Variants in CNTN6 observed in about 807,000 individuals in gnomAD.
CNTN6 encodes contactin-6.
In CNTN6, 137 loss-of-function variants were observed where a neutral mutation model predicts 122.8. The ratio of observed to expected loss-of-function variants is 1.12; its 90% confidence interval spans 0.97 to 1.29. The LOEUF (loss-of-function observed/expected upper bound fraction) is 1.29. CNTN6 is among the 50% of genes most tolerant of loss of function. The probability of loss-of-function intolerance (pLI) is 0.00; values close to 1 mark genes in which losing one functional copy is unlikely to be tolerated. For synonymous variants in CNTN6, 570 were observed against 426.0 expected (o/e 1.34, Z -4.16); for missense variants, 1,634 against 1,223.4 (o/e 1.34, Z -5.01).
intron 6 of CNTN6, 64 bp from the exon 7 acceptor site, chr3:1,297,825 G>A (rs1696535270): frequency 1.1e-5 from 14 of 1,270,984 alleles, no homozygotes; most frequent in East Asian, 7.0e-5. Context: ...GGTTAATGAA[G>A]CATTTACTTC....
intron 4 of CNTN6, among the ~76,000 whole-genome samples, chr3:1,268,719 G>T (rs962396290): frequency 6.6e-6 from 1 of 151,746 alleles, no homozygotes; most frequent in Non-Finnish European, 1.5e-5. Flanking sequence ...GAGCATTTAA[G>T]CTGCCACCGA....
chr3:1,303,155 T>C (rs769677420), intron 7 of CNTN6, among the ~76,000 whole-genome samples: 33 of 152,266 alleles, frequency 2.2e-4, no homozygotes, highest in Non-Finnish European at 4.3e-4. Context: ...TGTTCTTGTA[T>C]GCTGTTCACT....
chr3:1,295,645 C>T lies in CNTN6; in HGVS notation c.499C>T (p.Gln167Ter). ...CTTCAATGATAACCCCTTATACGTC[C>T]AAGAGGACAATAGGCGATTTGTATC... ...WTFNDNPLYV[Q>*]EDNRRFVSQE... The change falls in exon 6 of 23, where the codon CAA becomes TAA. Residue 167 changes from glutamine to a stop codon, truncating the protein, a stop_gained. Coordinates refer to ENST00000446702, the MANE Select transcript of CNTN6 (RefSeq NM_001289080.2). LOFTEE classifies it high-confidence loss of function. The T allele has an allele frequency of 6.2e-7, 1 of 1,613,834 alleles. No individual in the cohort carries two copies. Among genetic ancestry groups the T allele is most frequent in the African/African-American group, 1.3e-5 (1 of 75,024 alleles).
At chr3:1,148,833 T>C (rs957788672) in intron 2 of CNTN6, among the ~76,000 whole-genome samples, 3 of 152,152 alleles carry the variant, frequency 2.0e-5, no homozygotes, top group Admixed American at 6.5e-5. Context: ...ACATGACTAG[T>C]CTAGAACATT....
chr3:1,299,634 T>C (rs1399018741), intron 7 of CNTN6, among the ~76,000 whole-genome samples: 1 of 152,200 alleles, frequency 6.6e-6, no homozygotes, highest in Non-Finnish European at 1.5e-5. Flanking sequence ...AAGTAACCTG[T>C]TCAATCTTAT....
intron 20 of CNTN6, among the ~76,000 whole-genome samples, chr3:1,387,652 C>A (rs9831132): frequency 3.8e-4 from 58 of 152,116 alleles, no homozygotes; most frequent in African/African-American, 1.1e-3. Context: ...CTGAGGTACC[C>A]GGTTCATCTC....
chr3:1,105,543 G>C (rs563216353), intron 1 of CNTN6, among the ~76,000 whole-genome samples: 6 of 152,016 alleles, frequency 3.9e-5, no homozygotes, highest in African/African-American at 1.4e-4. Flanking sequence ...CAGTGCAGCC[G>C]GTAATACCTG....
chr3:1,350,954 A>G (rs1388566901), intron 11 of CNTN6, among the ~76,000 whole-genome samples: 1 of 151,904 alleles, frequency 6.6e-6, no homozygotes, highest in Admixed American at 6.6e-5. Context: ...GCATAATTCA[A>G]TTGTTAATGT....
intron 11 of CNTN6, among the ~76,000 whole-genome samples, chr3:1,346,830 A>T (rs1470891874): frequency 6.6e-6 from 1 of 152,158 alleles, no homozygotes; most frequent in Non-Finnish European, 1.5e-5. Context: ...GAAGCCCTCC[A>T]AGTGGATGTG....
chr3:1,169,054 G>C (rs1016675014), intron 2 of CNTN6, among the ~76,000 whole-genome samples: 1 of 152,110 alleles, frequency 6.6e-6, no homozygotes, highest in African/African-American at 2.4e-5. Context: ...TGACTGATGG[G>C]GATGCAGTGA....
intron 4 of CNTN6, among the ~76,000 whole-genome samples, chr3:1,236,672 G>T (rs1288571887): frequency 6.6e-6 from 1 of 152,074 alleles, no homozygotes; most frequent in Non-Finnish European, 1.5e-5. Flanking sequence ...ACAAAATAAG[G>T]TTCTTCAACT....
intron 12 of CNTN6, among the ~76,000 whole-genome samples, chr3:1,371,846 A>G (rs1339023524): frequency 6.6e-6 from 1 of 152,180 alleles, no homozygotes; most frequent in African/African-American, 2.4e-5. Context: ...TCTTAAATAT[A>G]AACGTATGTC....
At chr3:1,233,957 A>C (rs1450914723) in intron 4 of CNTN6, among the ~76,000 whole-genome samples, 2 of 152,102 alleles carry the variant, frequency 1.3e-5, no homozygotes, top group Non-Finnish European at 2.9e-5. Flanking sequence ...AAAATGCAGT[A>C]AGAATGCATT....
At chr3:1,348,732 G>A (rs1332703811) in intron 11 of CNTN6, among the ~76,000 whole-genome samples, 1 of 151,978 alleles carries the variant, frequency 6.6e-6, no homozygotes, top group African/African-American at 2.4e-5. Context: ...GATATGGTTA[G>A]AATCTGAGCC....
At chr3:1,169,913 A>G (rs1003089724) in intron 2 of CNTN6, among the ~76,000 whole-genome samples, 1 of 152,144 alleles carries the variant, frequency 6.6e-6, no homozygotes, top group African/African-American at 2.4e-5. Context: ...GGTGGCCCAT[A>G]TTATATTCAC....
intron 11 of CNTN6, among the ~76,000 whole-genome samples, chr3:1,343,988 C>G (rs558283405): frequency 2.0e-5 from 3 of 152,168 alleles, no homozygotes; most frequent in African/African-American, 7.2e-5. Context: ...ATTAAAAGTA[C>G]AAGACAGTAA....
At chr3:1,250,844 T>C (rs1301660242) in intron 4 of CNTN6, among the ~76,000 whole-genome samples, 1 of 152,170 alleles carries the variant, frequency 6.6e-6, no homozygotes, top group Non-Finnish European at 1.5e-5. Flanking sequence ...AACTGCTGAT[T>C]CTTTTCTCCA....
chr3:1,181,326 GCTCT>G (rs2093550629), intron 2 of CNTN6, among the ~76,000 whole-genome samples: 1 of 152,024 alleles, frequency 6.6e-6, no homozygotes, highest in African/African-American at 2.4e-5. Context: ...TCCTGAGGTT[GCTCT>G]CTCTCTATAA....
At chr3:1,268,504 G>A (rs2094963514) in intron 4 of CNTN6, among the ~76,000 whole-genome samples, 1 of 150,666 alleles carries the variant, frequency 6.6e-6, no homozygotes, top group Non-Finnish European at 1.5e-5. Flanking sequence ...CTACTTGGGA[G>A]GCTGAGGCAG....
Sources: allele counts gnomAD v4.1 joint callset (sites outside exome capture counted in the v4.1 genomes callset), GRCh38; gene constraint gnomAD v4.1.1; transcripts MANE v1.5; gene names NCBI Gene and HGNC (gene_info 2026-07-23, HGNC 2026-07-21).